The following BCKDHB variants were observed in gnomAD, a reference collection of about 807,000 sequenced individuals.
BCKDHB encodes the protein branched chain keto acid dehydrogenase E1 subunit beta.
A neutral mutation model predicts 48.5 loss-of-function variants in BCKDHB; 41 were observed. The observed-to-expected ratio is 0.85, with a 90% CI of 0.66 to 1.10. The LOEUF is 1.10. Ranked by LOEUF, BCKDHB falls within the 50% of genes least tolerant of loss-of-function variation. The probability of loss-of-function intolerance (pLI) is 0.00; values close to 1 mark genes in which losing one functional copy is unlikely to be tolerated. For synonymous variants in BCKDHB, 201 were observed against 174.8 expected, an observed-to-expected ratio of 1.15 and a Z score of -1.18; for missense variants, 496 against 494.2, an observed-to-expected ratio of 1.00 and a Z score of -0.03.
At chr6:80,350,798 TA>T (rs1770371677), downstream of BCKDHB, among the ~76,000 whole-genome samples, 6 of 152,350 alleles carry the variant, frequency 3.9e-5, no homozygotes, top group South Asian at 1.2e-3. Context: ...AACATTTATC[TA>T]CTTATTTATC....
chr6:80,273,367 T>G (rs1777836942), intron 9 of BCKDHB, 146 bp downstream of exon 9: 1 of 650,584 alleles, frequency 1.5e-6, no homozygotes, highest in African/African-American at 1.8e-5. Flanking sequence ...ATAAGTAAAT[T>G]TTTTTTCATT....
intron 9 of BCKDHB, among the ~76,000 whole-genome samples, chr6:80,291,605 A>G (rs141558995): frequency 3.3e-5 from 5 of 152,172 alleles, no homozygotes; most frequent in African/African-American, 4.8e-5. Flanking sequence ...TGATTCCACT[A>G]TGTGTCCAGA....
intron 9 of BCKDHB, among the ~76,000 whole-genome samples, chr6:80,284,637 A>G (rs1766539675): frequency 1.3e-5 from 2 of 152,138 alleles, no homozygotes; most frequent in Non-Finnish European, 1.5e-5. Flanking sequence ...CAAAATTATT[A>G]GCTGAAAAGG....
chr6:80,425,659 A>G, the BCKDHB span, among the ~76,000 whole-genome samples: 1 of 152,182 alleles, frequency 6.6e-6, no homozygotes, highest in South Asian at 2.1e-4. Context: ...AACCTAAGAC[A>G]TCTGATCACT....
chr6:80,449,241 T>C, the BCKDHB span, among the ~76,000 whole-genome samples: 3 of 152,208 alleles, frequency 2.0e-5, no homozygotes, highest in Non-Finnish European at 2.9e-5. Context: ...TACTGTAGAA[T>C]GCCCTAAACT....
chr6:80,234,320 A>T (rs1216475518), intron 8 of BCKDHB, among the ~76,000 whole-genome samples: 1 of 152,150 alleles, frequency 6.6e-6, no homozygotes, highest in African/African-American at 2.4e-5. Context: ...GATTGCGACT[A>T]TTTAGTTTAG....
chr6:80,108,878 A>G (rs532626996), intron 1 of BCKDHB, among the ~76,000 whole-genome samples: 2 of 152,294 alleles, frequency 1.3e-5, no homozygotes, highest in East Asian at 3.9e-4. Flanking sequence ...CCAAAAAACC[A>G]AAAAACAAAA....
At chr6:80,273,799 G>T (rs879932384) in intron 9 of BCKDHB, among the ~76,000 whole-genome samples, 2 of 151,864 alleles carry the variant, frequency 1.3e-5, no homozygotes, top group African/African-American at 4.8e-5. Flanking sequence ...TCATTAAGAT[G>T]CCACATATCA....
chr6:80,238,113 A>T (rs1304396093), intron 8 of BCKDHB, among the ~76,000 whole-genome samples: 2 of 151,830 alleles, frequency 1.3e-5, no homozygotes, highest in Non-Finnish European at 2.9e-5. Context: ...TTTTTATTTT[A>T]TTTTTTGAGA....
chr6:80,252,967 C>T (rs1380132746), intron 8 of BCKDHB, among the ~76,000 whole-genome samples: 1 of 152,184 alleles, frequency 6.6e-6, no homozygotes, highest in Non-Finnish European at 1.5e-5. Flanking sequence ...ATCCCCATCA[C>T]CACTGTTATC....
intron 6 of BCKDHB, among the ~76,000 whole-genome samples, chr6:80,196,719 A>G (rs1432363660): frequency 6.6e-6 from 1 of 152,178 alleles, no homozygotes; most frequent in African/African-American, 2.4e-5. Flanking sequence ...AAATTAGAAG[A>G]AAACTGGGAG....
Position 80,168,878 on chromosome 6 carries a change from G to A in BCKDHB, c.481G>A (p.Val161Ile). 6.2e-7 allele frequency: 1 copy of A among 1,613,996 alleles called. No homozygotes were observed. The highest frequency in any genetic ancestry group is 8.5e-7 in the Non-Finnish European group (1 of 1,179,968). The change falls in exon 5 of 10, where the codon GTT becomes ATT. Residue 161 changes from valine (V) to isoleucine (I), a missense_variant. Coordinates refer to ENST00000320393, the MANE Select transcript of BCKDHB (RefSeq NM_183050.4). ...CGTCTTTCTTTCTGACCCTCAGATT[G>A]TTAATGAAGCTGCCAAGTATCGCTA... ...DYIFPAFDQI[V>I]NEAAKYRYRS...
chr6:80,155,855 TTAGGTTTTC>T lies in BCKDHB; in HGVS notation c.344-11821_344-11813del, dbSNP rs1481851059. Among the ~76,000 whole-genome samples the T allele has an allele frequency of 9.8e-4, 148 of 151,590 alleles. 1 individual carries two copies. Among genetic ancestry groups the T allele is most frequent in the African/African-American group, 3.4e-3 (142 of 41,310 alleles). The stretch of plus-strand genomic sequence containing the variant: ...TGCAAAGTTGTTTTTTTTTTTTTTT[TTAGGTTTTC>T]TTTTTTTGAGTGCTTGGTTGTTTGG... On this transcript the variant is annotated intron_variant, in intron 3 of 9. Coordinates refer to ENST00000320393, the MANE Select transcript of BCKDHB (RefSeq NM_183050.4).
chr6:80,139,064 C>A (rs181185419), intron 3 of BCKDHB, among the ~76,000 whole-genome samples: 28 of 152,334 alleles, frequency 1.8e-4, no homozygotes, highest in African/African-American at 6.0e-4. Context: ...TGATGGTGAG[C>A]ATTTTTTCAT....
intron 8 of BCKDHB, among the ~76,000 whole-genome samples, chr6:80,223,071 GT>G (rs1439266162): frequency 6.6e-6 from 1 of 152,072 alleles, no homozygotes; most frequent in Non-Finnish European, 1.5e-5. Context: ...AGAAAAATCT[GT>G]TAAAAGTACA....
chr6:80,172,922 A>G (rs1443648326), intron 6 of BCKDHB, among the ~76,000 whole-genome samples: 1 of 152,148 alleles, frequency 6.6e-6, no homozygotes, highest in African/African-American at 2.4e-5. Context: ...GTAAGAATTT[A>G]AAATTTTGAA....
chr6:80,413,409 C>A, the BCKDHB span, among the ~76,000 whole-genome samples: 2 of 152,026 alleles, frequency 1.3e-5, no homozygotes, highest in South Asian at 4.1e-4. Flanking sequence ...ATATTAAGTC[C>A]AGAACCCATT....
intron 5 of BCKDHB, chr6:80,170,065 A>G: frequency 2.2e-6 from 1 of 454,436 alleles, no homozygotes; most frequent in African/African-American, 2.1e-5. Flanking sequence ...TTCAGCTGAA[A>G]TGAAAATATA....
rs376602619 is a variant in BCKDHB at position 80,157,623 on chromosome 6, A to G, written c.344-10055A>G. Among the ~76,000 whole-genome samples the G allele has an allele frequency of 1.7e-3, 262 of 150,436 alleles. 1 individual carries two copies. Among genetic ancestry groups the G allele is most frequent in the African/African-American group, 6.0e-3 (248 of 41,048 alleles). ...TGGGATTACAGGCATGTGCCACCACACCTGGCTAATTTTTTTTTGTATTTT... is the reference window on the plus strand; with the variant it reads ...TGGGATTACAGGCATGTGCCACCACGCCTGGCTAATTTTTTTTTGTATTTT... On this transcript the variant is annotated intron_variant, in intron 3 of 9. Transcript: ENST00000320393.
Sources: allele counts gnomAD v4.1 joint callset (sites outside exome capture counted in the v4.1 genomes callset), GRCh38; gene constraint gnomAD v4.1.1; transcripts MANE v1.5; gene names NCBI Gene and HGNC (gene_info 2026-07-23, HGNC 2026-07-21).